The following PCDHGA8 variants were observed in gnomAD, a reference collection of about 807,000 sequenced individuals.
PCDHGA8 encodes protocadherin gamma-A8.
In PCDHGA8, 45 loss-of-function variants were observed where a neutral mutation model predicts 59.2. The observed-to-expected ratio is 0.76, with a 90% CI of 0.60 to 0.98. The LOEUF is 0.98. Ranked by LOEUF, PCDHGA8 falls within the 50% of genes least tolerant of loss-of-function variation. The pLI, the probability that PCDHGA8 is intolerant of heterozygous loss-of-function variation, is 0.00. For synonymous variants in PCDHGA8, 531 were observed against 519.0 expected (o/e 1.02, Z -0.32); for missense variants, 1,257 against 1,196.2 (o/e 1.05, Z -0.75).
chr5:141,398,165 G>A (rs574512663), intron 1 of PCDHGA8: 4 of 1,479,272 alleles, frequency 2.7e-6, no homozygotes, highest in South Asian at 2.8e-5. Context: ...CGGGCTGAGA[G>A]GCTGCCAGTG....
chr5:141,487,577 C>A lies in PCDHGA8; in HGVS notation c.2425-7230C>A. 1.2e-6 allele frequency: 2 copies of A among 1,614,150 alleles called. No individual in the cohort carries two copies. Among genetic ancestry groups the A allele is most frequent in the Non-Finnish European group, 1.7e-6 (2 of 1,180,024 alleles). ...ACCTATGGCAGGGGAGCCTGTTCGC[C>A]CAAGCTGCCCACCCTCTGATCTTCT... On this transcript the variant is annotated intron_variant, in intron 1 of 3. Coordinates refer to ENST00000398604, the MANE Select transcript of PCDHGA8 (RefSeq NM_032088.2). The surrounding 1 kb of genome is among the most constrained non-coding windows in gnomAD (Gnocchi z 5.0).
Position 141,414,015 on chromosome 5 carries a change from A to T in PCDHGA8, c.2424+18778A>T. ...ACAGGGACGAAGGTGCCAATGGAGA[A>T]GTGACATATTCATTCCGAAAATTAC... On this transcript the variant is annotated intron_variant, in intron 1 of 3. Coordinates refer to ENST00000398604, the MANE Select transcript of PCDHGA8 (RefSeq NM_032088.2). 6.2e-7 allele frequency: 1 copy of T among 1,613,160 alleles called. No individual in the cohort carries two copies.
intron 1 of PCDHGA8, chr5:141,411,384 A>G (rs1280664726): frequency 6.6e-6 from 1 of 152,092 alleles, no homozygotes; most frequent in Non-Finnish European, 1.5e-5. Context: ...AGCCTGGGCA[A>G]TATAGGGAGA....
chr5:141,427,103 G>A (rs1216465844), intron 1 of PCDHGA8: 3 of 457,888 alleles, frequency 6.6e-6, no homozygotes, highest in Non-Finnish European at 1.3e-5. Flanking sequence ...GTGTCAATGC[G>A]GAGATCACCT....
chr5:141,418,080 A>T (rs1590086455), intron 1 of PCDHGA8: 1 of 1,614,046 alleles, frequency 6.2e-7, no homozygotes, highest in East Asian at 2.2e-5. Flanking sequence ...GAGAAGCTGC[A>T]CTTCAGCGTA....
chr5:141,398,985 A>T, intron 1 of PCDHGA8: 1 of 1,613,964 alleles, frequency 6.2e-7, no homozygotes, highest in Non-Finnish European at 8.5e-7. Flanking sequence ...GAACCGGGCA[A>T]ATCTTTAGTC....
chr5:141,414,236 C>T, intron 1 of PCDHGA8: 1 of 1,613,456 alleles, frequency 6.2e-7, no homozygotes. Flanking sequence ...CTGACCATCA[C>T]GTCTCTATTT....
At chr5:141,469,885 C>A (rs1464434089) in intron 1 of PCDHGA8, among the ~76,000 whole-genome samples, 3 of 152,204 alleles carry the variant, frequency 2.0e-5, no homozygotes, top group African/African-American at 4.8e-5. Context: ...AATCTCGGCA[C>A]TTTGGGAAGC....
At chr5:141,412,792 C>T (rs1387029327) in intron 1 of PCDHGA8, among the ~76,000 whole-genome samples, 1 of 152,194 alleles carries the variant, frequency 6.6e-6, no homozygotes. Flanking sequence ...TCCACTTTAT[C>T]ACACCTCCCC....
chr5:141,401,537 A>G (rs188857820), intron 1 of PCDHGA8, among the ~76,000 whole-genome samples: 56 of 152,362 alleles, frequency 3.7e-4, no homozygotes, highest in Non-Finnish European at 7.5e-4. Context: ...AACTTACAAA[A>G]AAAAGGAAAT....
In PCDHGA8 at chr5:141,394,459, G is replaced by T. The variant is rs761612403; in HGVS notation, c.1646G>T (p.Ser549Ile). 6.2e-7 allele frequency: 1 copy of T among 1,614,238 alleles called. No homozygotes were observed. Among genetic ancestry groups the T allele is most frequent in the Non-Finnish European group, 8.5e-7 (1 of 1,180,042 alleles). The change falls in exon 1 of 4, where the codon AGC (serine) becomes ATC (isoleucine). Residue 549 changes from serine to isoleucine, a missense_variant. Coordinates refer to ENST00000398604, the MANE Select transcript of PCDHGA8 (RefSeq NM_032088.2). ...CCCCTCAGCAGCAACATGTCACTGA[G>T]CCTGTTCGTGCTGGACCAGAATGAC... ...DPPLSSNMSLSLFVLDQNDNA... is the reference protein window; with the variant it reads ...DPPLSSNMSLILFVLDQNDNA...
chr5:141,454,998 G>A (rs909142112), intron 1 of PCDHGA8, among the ~76,000 whole-genome samples: 1 of 151,220 alleles, frequency 6.6e-6, no homozygotes, highest in Admixed American at 6.6e-5. Flanking sequence ...ATTTTTAGTA[G>A]AGACGGGGTT....
At chr5:141,467,906 A>T (rs917983299) in intron 1 of PCDHGA8, among the ~76,000 whole-genome samples, 5 of 152,002 alleles carry the variant, frequency 3.3e-5, no homozygotes, top group African/African-American at 9.7e-5. Flanking sequence ...AAATCCGCCC[A>T]CCTCAGCCTC....
At chr5:141,441,196 G>C (rs575668023) in intron 1 of PCDHGA8, 2 of 152,266 alleles carry the variant, frequency 1.3e-5, no homozygotes, top group East Asian at 3.9e-4. Flanking sequence ...GATTCCCAAA[G>C]ATTCTGCACC....
At chr5:141,497,722 T>C (rs1395904793) in intron 2 of PCDHGA8, among the ~76,000 whole-genome samples, 1 of 152,030 alleles carries the variant, frequency 6.6e-6, no homozygotes, top group Non-Finnish European at 1.5e-5. Flanking sequence ...GTATTTTTAG[T>C]AGAGATGGGT....
intron 1 of PCDHGA8, among the ~76,000 whole-genome samples, chr5:141,455,603 C>T (rs1433078116): frequency 3.3e-5 from 5 of 152,190 alleles, no homozygotes; most frequent in Admixed American, 2.6e-4. Context: ...CGTAGGGCGC[C>T]ATGGATGTTC....
At chr5:141,460,616 T>C (rs905095529) in intron 1 of PCDHGA8, among the ~76,000 whole-genome samples, 8 of 152,114 alleles carry the variant, frequency 5.3e-5, no homozygotes, top group Non-Finnish European at 7.4e-5. Context: ...GATGGATAGA[T>C]AGACAGATAC....
At chr5:141,454,824 T>C (rs1231148585) in intron 1 of PCDHGA8, among the ~76,000 whole-genome samples, 1 of 127,218 alleles carries the variant, frequency 7.9e-6, no homozygotes, top group African/African-American at 3.3e-5. Flanking sequence ...TTTTTTTTTT[T>C]TGAGACAGAG....
At position 141,487,578 on chromosome 5, in the gene PCDHGA8, C is replaced by T. The variant is rs1293087014; in HGVS notation, c.2425-7229C>T. The T allele has an allele frequency of 1.2e-6, 2 of 1,614,052 alleles. No individual in the cohort carries two copies. Among genetic ancestry groups the T allele is most frequent in the Non-Finnish European group, 1.7e-6 (2 of 1,180,044 alleles). ...CCTATGGCAGGGGAGCCTGTTCGCC[C>T]AAGCTGCCCACCCTCTGATCTTCTC... On this transcript the variant is annotated intron_variant, in intron 1 of 3. Coordinates refer to ENST00000398604, the MANE Select transcript of PCDHGA8 (RefSeq NM_032088.2). The surrounding 1 kb of genome is among the most constrained non-coding windows in gnomAD (Gnocchi z 5.0).
Sources: allele counts gnomAD v4.1 joint callset (sites outside exome capture counted in the v4.1 genomes callset), GRCh38; gene constraint gnomAD v4.1.1; non-coding constraint Gnocchi (gnomAD v3.1); transcripts MANE v1.5; gene names NCBI Gene and HGNC (gene_info 2026-07-23, HGNC 2026-07-21).